The following PI4K2A variants were observed in gnomAD, a reference collection of about 807,000 sequenced individuals.
The protein encoded by PI4K2A is phosphatidylinositol 4-kinase type 2-alpha.
A neutral mutation model predicts 55.0 loss-of-function variants in PI4K2A; 20 were observed. The ratio of observed to expected loss-of-function variants is 0.36; its 90% CI spans 0.26 to 0.53. The LOEUF is 0.53. Ranked by LOEUF, PI4K2A falls within the 20% of genes least tolerant of loss-of-function variation. PI4K2A has a pLI of 0.91. For synonymous variants in PI4K2A, 235 were observed against 258.5 expected (o/e 0.91, Z 0.87); for missense variants, 463 against 637.1 (o/e 0.73, Z 2.94).
rs1564772275 is a variant in PI4K2A, at chr10:97,642,850, CCTTTCTTTCTTTCTT to C, written c.435+1674_435+1688del. Among the ~76,000 whole-genome samples the C allele has an allele frequency of 2.8e-3, 226 of 80,388 alleles. 33 individuals are homozygous for C. Among genetic ancestry groups the C allele is most frequent in the Middle Eastern group, 0.013 (2 of 158 alleles). 52.7% of individuals were successfully genotyped at this position (80,388 alleles called of 152,430 possible). ...TCCTTCCTTCCTTCCTTCCTTCCTT[CCTTTCTTTCTTTCTT>C]TTTCTTTCTTTCTTTCTTTCTTCCT... On this transcript the variant is annotated intron_variant, in intron 1 of 8. Coordinates refer to ENST00000370631, the Ensembl canonical transcript of PI4K2A.
intron 2 of PI4K2A, among the ~76,000 whole-genome samples, chr10:97,651,779 C>A (rs1002913750): frequency 6.6e-6 from 1 of 151,484 alleles, no homozygotes; most frequent in Non-Finnish European, 1.5e-5. Context: ...CCCACCCCCA[C>A]CAATATGCTT....
Position 97,649,966 on chromosome 10 carries a change from G to A in PI4K2A, c.436-975G>A, listed in dbSNP as rs117626508. On this transcript the variant is annotated intron_variant, in intron 1 of 8. Coordinates refer to ENST00000370631, the Ensembl canonical transcript of PI4K2A. ...TTCCTTCCAGTTGGTAAAGTTTTTA[G>A]TCTTTCTGTAATTGGTGCAGAACAA... 1.5e-4 allele frequency among the ~76,000 whole-genome samples: 23 copies of A among 152,068 alleles called. No homozygotes were observed. The East Asian group carries it at 3.7e-3, about 24-fold the overall frequency.
Position 97,656,224 on chromosome 10 carries a change from C to T in PI4K2A, c.637-61C>T. 7.3e-7 allele frequency: 1 copy of T among 1,378,822 alleles called. No individual in the cohort carries two copies. 85.4% of individuals were successfully genotyped at this position (1,378,822 alleles called of 1,614,324 possible). On this transcript the variant is annotated intron_variant, in intron 2 of 8. Coordinates refer to ENST00000370631, the Ensembl canonical transcript of PI4K2A. This position sits in a 1 kb window ranked among gnomAD's most constrained non-coding sequence, Gnocchi z 4.5. ...GAACATCAAGCTATTTATTCTCTGCCATAGTCTTCTGGTTCCTTAAACTTG... is the reference window on the plus strand; with the variant it reads ...GAACATCAAGCTATTTATTCTCTGCTATAGTCTTCTGGTTCCTTAAACTTG...
chr10:97,668,901 T>C (rs1227619838), intron 8 of PI4K2A, among the ~76,000 whole-genome samples: 1 of 152,000 alleles, frequency 6.6e-6, no homozygotes, highest in African/African-American at 2.4e-5. Context: ...AGTCTCACTC[T>C]GTCACCCAGG....
intron 6 of PI4K2A, among the ~76,000 whole-genome samples, chr10:97,665,603 T>TA (rs1176535810): frequency 9.9e-5 from 15 of 151,428 alleles, no homozygotes; most frequent in Non-Finnish European, 1.5e-5. Flanking sequence ...TTTATTTATT[T>TA]TTTTTTTGAG....
chr10:97,667,113 G>A (rs753181578), exon 8 of PI4K2A: 4 of 1,611,926 alleles, frequency 2.5e-6, no homozygotes, highest in South Asian at 1.1e-5. Flanking sequence ...GCTGTCATGC[G>A]GGGCCAGGTA....
At chr10:97,664,045 A>G (rs1477626635) in intron 5 of PI4K2A, among the ~76,000 whole-genome samples, 1 of 152,098 alleles carries the variant, frequency 6.6e-6, no homozygotes, top group African/African-American at 2.4e-5. Flanking sequence ...TTCATTCCTT[A>G]TAACTTTTTT....
At chr10:97,666,332 C>A in intron 6 of PI4K2A, 106 bp from the exon 7 acceptor site, 1 of 975,244 alleles carries the variant, frequency 1.0e-6, no homozygotes, top group Non-Finnish European at 1.5e-6. Flanking sequence ...TGTTGTATGT[C>A]AGGGAAGAGG....
rs528173865 is a variant in PI4K2A, at chr10:97,666,606, G to A, written c.1218+35G>A. 39 of 1,556,008 alleles carry A rather than the reference G, an allele frequency of 2.5e-5. 1 individual carries two copies. In the Admixed American group the frequency reaches 5.6e-4, roughly 22 times the overall value. ...GGGAACCTCAGCCCTATTATCATATGGGAGAAGGAATTTTTAATGGTTTTT... is the reference window on the plus strand; with the variant it reads ...GGGAACCTCAGCCCTATTATCATATAGGAGAAGGAATTTTTAATGGTTTTT... On this transcript the variant is annotated intron_variant, in intron 7 of 8. Transcript: ENST00000370631.
chr10:97,642,924 C>CCTTCCTTCCTTT (rs1554878143), intron 1 of PI4K2A, among the ~76,000 whole-genome samples: 52 of 113,534 alleles, frequency 4.6e-4, no homozygotes, highest in Non-Finnish European at 7.6e-4. Context: ...TTCCTTCCTT[C>CCTTCCTTCCTTT]CTTTCTTTCC....
At chr10:97,641,274 C>G in intron 1 of PI4K2A, 97 bp downstream of exon 1, 1 of 860,254 alleles carries the variant, frequency 1.2e-6, no homozygotes, top group Non-Finnish European at 1.8e-6. Context: ...AAGGGAGAAA[C>G]TTCACAGTAC....
intron 8 of PI4K2A, among the ~76,000 whole-genome samples, chr10:97,669,118 G>A (rs150062704): frequency 2.0e-4 from 31 of 152,172 alleles, no homozygotes; most frequent in African/African-American, 4.8e-4. Flanking sequence ...TGCCTGCCTC[G>A]GCCTCCCAAA....
chr10:97,657,760 A>C, intron 4 of PI4K2A, among the ~76,000 whole-genome samples: 1 of 151,942 alleles, frequency 6.6e-6, no homozygotes, highest in East Asian at 1.9e-4. Flanking sequence ...CATAAAATTT[A>C]TTATCTTAAC....
chr10:97,658,587 TATTTTTA>T (rs2041566813), intron 4 of PI4K2A, among the ~76,000 whole-genome samples: 1 of 152,236 alleles, frequency 6.6e-6, no homozygotes, highest in Non-Finnish European at 1.5e-5. Flanking sequence ...ATGGTAATTC[TATTTTTA>T]ATTTTTTGAG....
At chr10:97,661,235 C>T (rs1306769653) in intron 4 of PI4K2A, among the ~76,000 whole-genome samples, 1 of 152,206 alleles carries the variant, frequency 6.6e-6, no homozygotes, top group Non-Finnish European at 1.5e-5. Context: ...TCGTGATCCG[C>T]CCACCTCGGC....
chr10:97,652,542 C>T (rs969184426), intron 2 of PI4K2A, among the ~76,000 whole-genome samples: 10 of 152,044 alleles, frequency 6.6e-5, no homozygotes, highest in African/African-American at 2.4e-4. Flanking sequence ...CTCAAGCTAT[C>T]CTCCTGCCTT....
At chr10:97,652,239 C>G (rs568863193) in intron 2 of PI4K2A, among the ~76,000 whole-genome samples, 1 of 152,238 alleles carries the variant, frequency 6.6e-6, no homozygotes, top group African/African-American at 2.4e-5. Flanking sequence ...TGCAGTCTAT[C>G]TGTTGACACC....
intron 7 of PI4K2A, 127 bp downstream of exon 7, chr10:97,666,698 A>C: frequency 2.6e-6 from 2 of 783,028 alleles, no homozygotes; most frequent in Non-Finnish European, 4.0e-6. Context: ...TAGCCAACGA[A>C]TAGCAAGATT....
At chr10:97,663,012 C>A in intron 5 of PI4K2A, 44 bp downstream of exon 5, 1 of 1,269,596 alleles carries the variant, frequency 7.9e-7, no homozygotes, top group Non-Finnish European at 1.2e-6. Context: ...AGAGTATTTG[C>A]ATAATATAGA....
Sources: gnomAD v4.1 joint callset for allele counts (sites outside exome capture counted in the v4.1 genomes callset) on GRCh38, gnomAD v4.1.1 for gene constraint, Gnocchi (gnomAD v3.1) non-coding constraint, MANE v1.5 for transcripts, NCBI Gene and HGNC (gene_info 2026-07-23, HGNC 2026-07-21) for gene names.